Variants in CALN1 observed in about 807,000 individuals in gnomAD.
CALN1 encodes the protein calcium-binding protein 8.
A neutral mutation model predicts 30.6 loss-of-function variants in CALN1; 17 were observed. The observed-to-expected ratio is 0.56, with a 90% CI of 0.38 to 0.83. The LOEUF is 0.83. Among genes scored for constraint, CALN1 ranks in the 40% least tolerant of loss-of-function variants. The pLI is 0.00. For synonymous variants in CALN1, 156 were observed against 131.4 expected (o/e 1.19, Z -1.28); for missense variants, 291 against 354.9 (o/e 0.82, Z 1.45).
chr7:72,068,582 G>T (rs1349220803), intron 4 of CALN1, among the ~76,000 whole-genome samples: 1 of 152,138 alleles, frequency 6.6e-6, no homozygotes, highest in Non-Finnish European at 1.5e-5. Context: ...CCACTTCATG[G>T]GTTCAAGCAA....
In CALN1 at chr7:72,404,427, GACAA is replaced by G. The variant is rs560571763; in HGVS notation, c.-73-989_-73-986del. Among the ~76,000 whole-genome samples, 856 of 152,232 alleles carry G rather than the reference GACAA, an allele frequency of 5.6e-3. 9 individuals are homozygous for G. Among genetic ancestry groups the G allele is most frequent in the African/African-American group, 0.018 (733 of 41,518 alleles). ...GAAGGTAAAAACAAACAATAATAAAGACAAACAAAGACTCTCTTGAGATGTGAAG... is the reference window on the plus strand; with the variant it reads ...GAAGGTAAAAACAAACAATAATAAAGACAAAGACTCTCTTGAGATGTGAAG... On this transcript the variant is annotated intron_variant, in intron 1 of 6. Coordinates refer to ENST00000395275, the MANE Select transcript of CALN1 (RefSeq NM_031468.4).
At chr7:72,407,631 T>C (rs767365544) in intron 1 of CALN1, among the ~76,000 whole-genome samples, 1 of 152,220 alleles carries the variant, frequency 6.6e-6, no homozygotes, top group Non-Finnish European at 1.5e-5. Flanking sequence ...CCATGCTTCC[T>C]GTATAGCCTG....
chr7:72,400,664 G>A (rs901582900), intron 2 of CALN1, among the ~76,000 whole-genome samples: 1 of 152,150 alleles, frequency 6.6e-6, no homozygotes, highest in Non-Finnish European at 1.5e-5. Context: ...GAGGTCAGGG[G>A]TTTGAGACCA....
At chr7:71,891,015 G>C (rs112866437) in intron 5 of CALN1, among the ~76,000 whole-genome samples, 52 of 152,150 alleles carry the variant, frequency 3.4e-4, no homozygotes, top group African/African-American at 1.2e-3. Context: ...CCAAAGTGCT[G>C]GGATTACAGA....
intron 3 of CALN1, among the ~76,000 whole-genome samples, chr7:72,246,702 C>A (rs976896001): frequency 6.6e-6 from 1 of 151,692 alleles, no homozygotes; most frequent in African/African-American, 2.4e-5. Context: ...CAGGACTATC[C>A]GATACCCCAT....
intron 3 of CALN1, among the ~76,000 whole-genome samples, chr7:72,117,973 A>G (rs1375644444): frequency 6.6e-6 from 1 of 151,856 alleles, no homozygotes; most frequent in Non-Finnish European, 1.5e-5. Flanking sequence ...AAAAAAAGAA[A>G]AAAAAAAAAG....
At chr7:72,449,790 G>A (rs1808624345), upstream of CALN1, among the ~76,000 whole-genome samples, 1 of 149,294 alleles carries the variant, frequency 6.7e-6, no homozygotes, top group Non-Finnish European at 1.5e-5. Context: ...CAGGAGAATG[G>A]CGTGAACCTG....
chr7:71,966,718 T>C (rs1244164070), intron 5 of CALN1, among the ~76,000 whole-genome samples: 2 of 152,208 alleles, frequency 1.3e-5, no homozygotes, highest in Non-Finnish European at 2.9e-5. Context: ...TCTCAGGTAT[T>C]TACAGCAATA....
chr7:72,385,038 A>T (rs1252229763), intron 2 of CALN1, among the ~76,000 whole-genome samples: 1 of 152,260 alleles, frequency 6.6e-6, no homozygotes, highest in Non-Finnish European at 1.5e-5. Flanking sequence ...ACGGATGGCA[A>T]GTAAACATAT....
chr7:72,049,472 C>T (rs1232229357), intron 4 of CALN1, among the ~76,000 whole-genome samples: 1 of 152,182 alleles, frequency 6.6e-6, no homozygotes, highest in Admixed American at 6.5e-5. Context: ...AGGGCAGGCA[C>T]ATTGTTAAGC....
chr7:71,924,168 A>G (rs576477475), intron 5 of CALN1, among the ~76,000 whole-genome samples: 11 of 145,002 alleles, frequency 7.6e-5, no homozygotes, highest in Non-Finnish European at 7.5e-5. Context: ...ACTCCAGCCT[A>G]GGCGACAAGA....
chr7:72,424,089 CT>C (rs1027162116), intron 1 of CALN1, among the ~76,000 whole-genome samples: 4 of 152,048 alleles, frequency 2.6e-5, no homozygotes, highest in African/African-American at 7.2e-5. Flanking sequence ...TTACTGCCAG[CT>C]TGGGTTAGGG....
chr7:72,425,417 T>G (rs900466536), intron 1 of CALN1, among the ~76,000 whole-genome samples: 2 of 152,186 alleles, frequency 1.3e-5, no homozygotes, highest in Admixed American at 1.3e-4. Context: ...CTCGGCCTCC[T>G]GCCCAGTTAC....
At chr7:72,030,359 T>C (rs994747570) in intron 4 of CALN1, among the ~76,000 whole-genome samples, 1 of 152,184 alleles carries the variant, frequency 6.6e-6, no homozygotes, top group African/African-American at 2.4e-5. Context: ...ACACAGCACA[T>C]TTTCTGCAGA....
At chr7:71,848,597 T>A (rs1270065008) in intron 5 of CALN1, among the ~76,000 whole-genome samples, 1 of 152,136 alleles carries the variant, frequency 6.6e-6, no homozygotes, top group East Asian at 1.9e-4. Flanking sequence ...AAGCCATCTG[T>A]TTTGTGTTCT....
At chr7:72,092,842 C>T (rs886953984) in intron 4 of CALN1, among the ~76,000 whole-genome samples, 5 of 152,048 alleles carry the variant, frequency 3.3e-5, no homozygotes, top group Non-Finnish European at 5.9e-5. Flanking sequence ...TGTGATTCCC[C>T]GGGTCTCTTT....
chr7:71,878,120 A>C (rs1251092847), intron 5 of CALN1, among the ~76,000 whole-genome samples: 5 of 152,226 alleles, frequency 3.3e-5, no homozygotes, highest in Non-Finnish European at 5.9e-5. Context: ...ACCAAAAAGA[A>C]GACAAACCAG....
intron 4 of CALN1, among the ~76,000 whole-genome samples, chr7:72,046,939 C>T (rs1383202603): frequency 2.0e-5 from 3 of 151,976 alleles, no homozygotes. Context: ...TGGCACGTGC[C>T]TATAGTCACA....
chr7:72,282,265 G>C (rs1038351453), intron 2 of CALN1, among the ~76,000 whole-genome samples: 1 of 152,184 alleles, frequency 6.6e-6, no homozygotes, highest in African/African-American at 2.4e-5. Context: ...TCCTTCTATA[G>C]AGAGCAACAA....
Sources: allele counts gnomAD v4.1 joint callset (sites outside exome capture counted in the v4.1 genomes callset), GRCh38; gene constraint gnomAD v4.1.1; transcripts MANE v1.5; gene names NCBI Gene and HGNC (gene_info 2026-07-23, HGNC 2026-07-21).